The following AP2A1 variants were observed in gnomAD, a reference collection of about 807,000 sequenced individuals.
AP2A1 encodes AP-2 complex subunit alpha-1.
In AP2A1, 21 loss-of-function variants were observed where a neutral mutation model predicts 107.3. The observed-to-expected ratio is 0.20, with a 90% CI of 0.14 to 0.28. AP2A1 has a LOEUF of 0.28. AP2A1 is among the 10% of genes least tolerant of loss of function. AP2A1 has a pLI of 1.00. For missense variants in AP2A1, 873 were observed against 1,307.7 expected, an observed-to-expected ratio of 0.67 and a Z score of 5.13; for synonymous variants, 602 against 564.8, an observed-to-expected ratio of 1.07 and a Z score of -0.93.
chr19:49,792,232 C>T lies in AP2A1; in HGVS notation c.603+168C>T, dbSNP rs560755614. Among the ~76,000 whole-genome samples the T allele has an allele frequency of 2.4e-4, 34 of 142,832 alleles. No homozygotes were observed. The South Asian group carries it at 4.4e-3, about 19-fold the overall frequency. 93.7% of individuals were successfully genotyped at this position (142,832 alleles called of 152,430 possible). Reference sequence around the variant, plus strand: ...CCCGGGGCTCCCACCTCAGCCCTCACGCCCCCGGATACCCAGGGCTCCCAC... The same window carrying T: ...CCCGGGGCTCCCACCTCAGCCCTCATGCCCCCGGATACCCAGGGCTCCCAC... On this transcript the variant is annotated intron_variant, in intron 5 of 22. Transcript: ENST00000354293.
At chr19:49,770,766 T>C (rs1355128738) in intron 1 of AP2A1, among the ~76,000 whole-genome samples, 4 of 152,188 alleles carry the variant, frequency 2.6e-5, no homozygotes, top group Non-Finnish European at 4.4e-5. Flanking sequence ...GTATCTTGAA[T>C]AGGCAGATCC....
chr19:49,774,212 C>T (rs1014172098), intron 1 of AP2A1, among the ~76,000 whole-genome samples: 4 of 152,182 alleles, frequency 2.6e-5, no homozygotes, highest in African/African-American at 7.2e-5. Flanking sequence ...TCCACAAATC[C>T]GCATTCAACA....
At chr19:49,773,752 G>A (rs2084589162) in intron 1 of AP2A1, among the ~76,000 whole-genome samples, 1 of 152,186 alleles carries the variant, frequency 6.6e-6, no homozygotes. Flanking sequence ...TGGTCAGAGA[G>A]TGTCGCTGAA....
intron 5 of AP2A1, 103 bp from the exon 6 acceptor site, chr19:49,792,888 T>C (rs2302518): frequency 0.12 from 124,188 of 1,021,956 alleles, 9,077 homozygotes; most frequent in East Asian, 0.22. Context: ...AAACCCCATC[T>C]TCCCGACTGC....
At chr19:49,795,582 G>GCGCC in intron 6 of AP2A1, 48 bp from the exon 7 acceptor site, 1 of 692,054 alleles carries the variant, frequency 1.4e-6, no homozygotes. Flanking sequence ...GGACCCACGT[G>GCGCC]CCCCTCCCAC....
At chr19:49,773,094 G>C (rs1307042635) in intron 1 of AP2A1, among the ~76,000 whole-genome samples, 1 of 152,142 alleles carries the variant, frequency 6.6e-6, no homozygotes, top group Non-Finnish European at 1.5e-5. Context: ...CTATGGGGAA[G>C]GGTCTAGAAG....
chr19:49,794,811 T>G (rs2073191305), intron 6 of AP2A1, among the ~76,000 whole-genome samples: 1 of 152,166 alleles, frequency 6.6e-6, no homozygotes, highest in Non-Finnish European at 1.5e-5. Context: ...CACAGGCATG[T>G]GCCACCACGC....
At chr19:49,806,359 C>G in intron 22 of AP2A1, 106 bp downstream of exon 22, 4 of 508,622 alleles carry the variant, frequency 7.9e-6, no homozygotes, top group Non-Finnish European at 9.7e-6. Flanking sequence ...CCACTTTGAC[C>G]CTCCTCCTCT....
chr19:49,772,792 G>A (rs979386597), intron 1 of AP2A1, among the ~76,000 whole-genome samples: 2 of 151,924 alleles, frequency 1.3e-5, no homozygotes, highest in African/African-American at 2.4e-5. Flanking sequence ...GAGCCACCGC[G>A]CCCGGCCCAA....
chr19:49,806,622 T>C (rs2073394568), intron 22 of AP2A1, 59 bp from the exon 23 acceptor site: 1 of 1,608,562 alleles, frequency 6.2e-7, no homozygotes, highest in African/African-American at 1.3e-5. Flanking sequence ...CTCCCTTGGG[T>C]CCCGACTTCC....
In AP2A1 at chr19:49,781,811, G is replaced by A. The variant is rs1401108451; in HGVS notation, c.122G>A (p.Arg41His). The change falls in exon 2 of 23, where the codon CGC becomes CAC. Residue 41 changes from arginine (R) to histidine (H), a missense_variant. This residue lies in a region of AP2A1 where 87 missense variants were observed against 178.2 expected (regional missense o/e 0.49). Coordinates refer to ENST00000354293, the MANE Select transcript of AP2A1 (RefSeq NM_130787.3). ...KRINKELANI[R>H]SKFKGDKALD... ...ATCAACAAGGAACTGGCCAACATCC[G>A]CTCCAAGTTCAAAGGTAGGCTGGGG... is the stretch of plus-strand genomic sequence containing the variant. The A allele has an allele frequency of 1.2e-6, 2 of 1,609,428 alleles. No individual in the cohort carries two copies. The highest frequency in any genetic ancestry group is 1.7e-6 in the Non-Finnish European group (2 of 1,177,770).
At position 49,806,952 on chromosome 19, in the gene AP2A1, G is replaced by A; in HGVS notation, c.*194G>A. The stretch of plus-strand genomic sequence containing the variant: ...CTGTTTACATTCTGGGGGGTTAGGG[G>A]GAGTCCCCCTCCCTCCCTTTCCCCC... On this transcript the variant is annotated 3_prime_UTR_variant, in exon 23 of 23. Coordinates refer to ENST00000354293, the MANE Select transcript of AP2A1 (RefSeq NM_130787.3). 2 of 1,533,610 alleles carry A rather than the reference G, an allele frequency of 1.3e-6. No homozygotes were observed. Among genetic ancestry groups the A allele is most frequent in the South Asian group, 2.4e-5 (2 of 83,146 alleles).
rs769174324 is a variant in AP2A1 at position 49,782,104 on chromosome 19, G to T, written c.279+15G>T. ...AGAAGCAAATAGTGAGTCTGGAGAG[G>T]GGGGTGCCAGGGCCTGGACTCCTGG... is the stretch of plus-strand genomic sequence containing the variant. On this transcript the variant is annotated intron_variant, in intron 3 of 22. Coordinates refer to ENST00000354293, the MANE Select transcript of AP2A1 (RefSeq NM_130787.3). 12 of 1,549,174 alleles carry T rather than the reference G, an allele frequency of 7.7e-6. No individual in the cohort carries two copies. The highest frequency in any genetic ancestry group is 9.6e-6 in the Non-Finnish European group (11 of 1,145,826).
chr19:49,770,018 G>C (rs1467868141), intron 1 of AP2A1, among the ~76,000 whole-genome samples: 1 of 152,064 alleles, frequency 6.6e-6, no homozygotes, highest in Non-Finnish European at 1.5e-5. Flanking sequence ...ACAGGCACCC[G>C]CCACCACGCT....
At chr19:49,773,329 G>A (rs149055988) in intron 1 of AP2A1, among the ~76,000 whole-genome samples, 24 of 152,290 alleles carry the variant, frequency 1.6e-4, no homozygotes, top group African/African-American at 1.9e-4. Flanking sequence ...CAATGGGAGC[G>A]GGGTGCTGGC....
Position 49,802,085 on chromosome 19 carries a change from C to T in AP2A1, c.2058C>T (p.Phe686=), listed in dbSNP as rs751308384. 3.5e-4 allele frequency: 557 copies of T among 1,592,012 alleles called. 10 individuals carry two copies. In the Admixed American group the frequency reaches 8.9e-3, roughly 26 times the overall value. The change falls in exon 15 of 23, where the codon TTC becomes TTT. Residue 686 remains phenylalanine (F), a synonymous_variant. Transcript: ENST00000354293. The part of the protein sequence containing the change: ...AGAGNLLVDV[F]DGPAAQPSLG... ...CAGGGAACCTTCTGGTGGACGTCTT[C>T]GATGGCCCGGCCGCCCAGCCCAGCC...
chr19:49,792,931 C>T, intron 5 of AP2A1, 60 bp from the exon 6 acceptor site: 4 of 1,416,258 alleles, frequency 2.8e-6, no homozygotes, highest in Non-Finnish European at 3.9e-6. Context: ...GCTCCTGAGC[C>T]TCTGCTCTCA....
rs762766206 is a variant in AP2A1, at chr19:49,798,878, C to G, written c.891C>G (p.Ser297=). The G allele has an allele frequency of 1.3e-6, 2 of 1,586,182 alleles. No individual in the cohort carries two copies. The highest frequency in any genetic ancestry group is 2.3e-5 in the South Asian group (2 of 86,784). ...VLNKAQEPPK[S]KKVQHSNAKN... ...ACAAGGCCCAGGAGCCCCCCAAATC[C>G]AAGAAGGTGCAGCATTCCAACGCCA... The change falls in exon 8 of 23, where the codon TCC becomes TCG. Residue 297 remains serine (S), a synonymous_variant. Transcript: ENST00000354293.
At chr19:49,775,650 G>A (rs2084610265) in intron 1 of AP2A1, among the ~76,000 whole-genome samples, 1 of 152,138 alleles carries the variant, frequency 6.6e-6, no homozygotes, top group Admixed American at 6.6e-5. Context: ...TGATCTGCCT[G>A]TCTCAGCCTC....
Sources: allele counts gnomAD v4.1 joint callset (sites outside exome capture counted in the v4.1 genomes callset), GRCh38; gene constraint gnomAD v4.1.1; regional missense constraint gnomAD v4.1.1; transcripts MANE v1.5; gene names NCBI Gene and HGNC (gene_info 2026-07-23, HGNC 2026-07-21).